TYW1: variants seen among roughly 807,000 people sequenced by gnomAD.
The protein encoded by TYW1 is S-adenosyl-L-methionine-dependent tRNA 4-demethylwyosine synthase TYW1.
In TYW1, 46 loss-of-function variants were observed where a neutral mutation model predicts 96.2. That is an observed-to-expected ratio of 0.48 (90% CI 0.38 to 0.61). The LOEUF (loss-of-function observed/expected upper bound fraction) is 0.61. Among genes scored for constraint, TYW1 ranks in the 20% least tolerant of loss-of-function variants. TYW1 has a pLI of 0.00. For synonymous variants in TYW1, 274 were observed against 323.0 expected, an observed-to-expected ratio of 0.85 and a Z score of 1.63; for missense variants, 684 against 909.6, an observed-to-expected ratio of 0.75 and a Z score of 3.19.
chr7:67,120,382 C>G (rs1260258714), intron 13 of TYW1, among the ~76,000 whole-genome samples: 1 of 152,190 alleles, frequency 6.6e-6, no homozygotes, highest in Non-Finnish European at 1.5e-5. Context: ...TGCACCCAGT[C>G]TGTTTCTTAA....
intron 10 of TYW1, among the ~76,000 whole-genome samples, chr7:67,082,745 G>A (rs1324360797): frequency 6.6e-6 from 1 of 152,062 alleles, no homozygotes; most frequent in Non-Finnish European, 1.5e-5. Flanking sequence ...TGCGCTGCCT[G>A]TTTTTTTGGA....
chr7:67,184,638 TTTTATTTTATTTATGTTATG>T (rs1482722398), intron 14 of TYW1, among the ~76,000 whole-genome samples: 1,524 of 50,774 alleles, frequency 0.03, 24 homozygotes, highest in Middle Eastern at 0.071. Context: ...TTTTATTTTA[TTTTATTTTATTTATGTTATG>T]TTATGTTATG....
intron 11 of TYW1, among the ~76,000 whole-genome samples, chr7:67,088,833 G>A (rs1277244816): frequency 6.6e-6 from 1 of 152,204 alleles, no homozygotes; most frequent in East Asian, 1.9e-4. Context: ...GTCTCCCAAA[G>A]TGCTGGGATT....
chr7:67,200,170 G>A (rs1800545177), intron 15 of TYW1, among the ~76,000 whole-genome samples: 1 of 152,130 alleles, frequency 6.6e-6, no homozygotes, highest in South Asian at 2.1e-4. Context: ...GAGAATCTGA[G>A]ATAGACCCTC....
intron 10 of TYW1, among the ~76,000 whole-genome samples, chr7:67,077,986 G>A (rs1380941620): frequency 1.3e-5 from 2 of 152,046 alleles, no homozygotes; most frequent in Admixed American, 1.3e-4. Context: ...GTAAATATTT[G>A]GATTTATTTC....
chr7:67,235,369 C>T (rs911405594), intron 15 of TYW1, among the ~76,000 whole-genome samples: 20 of 152,198 alleles, frequency 1.3e-4, no homozygotes, highest in African/African-American at 4.3e-4. Context: ...ATGGATGGAT[C>T]ATGATTTTTG....
intron 7 of TYW1, among the ~76,000 whole-genome samples, chr7:67,046,334 G>A (rs1392885574): frequency 6.6e-6 from 1 of 151,970 alleles, no homozygotes; most frequent in Admixed American, 6.6e-5. Flanking sequence ...GGGCACACTG[G>A]GTTCATCTGT....
intron 15 of TYW1, among the ~76,000 whole-genome samples, chr7:67,229,990 C>T (rs1205942087): frequency 6.6e-6 from 1 of 152,104 alleles, no homozygotes; most frequent in African/African-American, 2.4e-5. Flanking sequence ...TTTGCAGTTT[C>T]CTTGAGAAAT....
intron 14 of TYW1, among the ~76,000 whole-genome samples, chr7:67,184,648 T>TTTATGTTATG (rs199573674): frequency 1.6e-4 from 7 of 44,338 alleles, no homozygotes; most frequent in African/African-American, 2.0e-4. Flanking sequence ...TTTTATTTTA[T>TTTATGTTATG]TTATGTTATG....
At chr7:67,197,032 A>G (rs1487082151) in intron 15 of TYW1, among the ~76,000 whole-genome samples, 1 of 152,204 alleles carries the variant, frequency 6.6e-6, no homozygotes, top group African/African-American at 2.4e-5. Flanking sequence ...CTGTAGTGTA[A>G]TGAATGAGAA....
chr7:67,098,189 G>A (rs1393041340), intron 11 of TYW1, among the ~76,000 whole-genome samples: 1 of 152,196 alleles, frequency 6.6e-6, no homozygotes, highest in Non-Finnish European at 1.5e-5. Flanking sequence ...GAAGAAGCTT[G>A]TTCTTATGCA....
chr7:67,231,965 C>T (rs1180506776), intron 15 of TYW1, among the ~76,000 whole-genome samples: 1 of 152,070 alleles, frequency 6.6e-6, no homozygotes, highest in Non-Finnish European at 1.5e-5. Context: ...TGCAGTAGCT[C>T]ACGCCTGTTA....
chr7:67,094,799 C>T (rs1796842896), intron 11 of TYW1, among the ~76,000 whole-genome samples: 1 of 151,872 alleles, frequency 6.6e-6, no homozygotes, highest in South Asian at 2.1e-4. Flanking sequence ...CCAGGAGTGG[C>T]CAACCTGGGG....
chr7:67,151,188 T>G (rs568180349), intron 13 of TYW1, among the ~76,000 whole-genome samples: 1 of 152,232 alleles, frequency 6.6e-6, no homozygotes, highest in Non-Finnish European at 1.5e-5. Context: ...ATAGCTGGAA[T>G]TAAAGGTGTG....
chr7:67,207,717 C>T (rs868341862), intron 15 of TYW1, among the ~76,000 whole-genome samples: 81 of 103,460 alleles, frequency 7.8e-4, no homozygotes, highest in South Asian at 3.3e-3. Flanking sequence ...TTTTGTTTGC[C>T]TTTTTTTTTT....
intron 11 of TYW1, among the ~76,000 whole-genome samples, chr7:67,090,741 C>T (rs948351683): frequency 6.6e-6 from 1 of 152,140 alleles, no homozygotes; most frequent in African/African-American, 2.4e-5. Flanking sequence ...GGAAACAGCA[C>T]TATCGATTTG....
intron 15 of TYW1, among the ~76,000 whole-genome samples, chr7:67,222,580 GT>G (rs1294183917): frequency 6.6e-6 from 1 of 152,128 alleles, no homozygotes; most frequent in Non-Finnish European, 1.5e-5. Flanking sequence ...TGTGTGACAA[GT>G]CACTGCTCTC....
chr7:67,103,872 G>A (rs1301801782), intron 12 of TYW1, among the ~76,000 whole-genome samples: 3 of 152,168 alleles, frequency 2.0e-5, no homozygotes, highest in East Asian at 1.9e-4. Context: ...CACACTGTAA[G>A]AATTAAAGAA....
chr7:67,017,366 T>G (rs1364419696), intron 5 of TYW1, among the ~76,000 whole-genome samples: 2 of 152,200 alleles, frequency 1.3e-5, no homozygotes, highest in Non-Finnish European at 2.9e-5. Context: ...CTCTGATAAC[T>G]CCTGTTCCTC....
Sources: gnomAD v4.1 joint callset for allele counts (sites outside exome capture counted in the v4.1 genomes callset) on GRCh38, gnomAD v4.1.1 for gene constraint, MANE v1.5 for transcripts, NCBI Gene and HGNC (gene_info 2026-07-23, HGNC 2026-07-21) for gene names.